Variants in SEM1 observed in about 807,000 individuals in gnomAD.
The protein encoded by SEM1 is SEM1 26S proteasome subunit.
Under a neutral mutation model 12.7 loss-of-function variants are expected in SEM1, and 3 were observed. That is an observed-to-expected ratio of 0.24 (90% CI 0.11 to 0.61). The LOEUF (loss-of-function observed/expected upper bound fraction) is 0.61, where lower values mean the gene tolerates loss of function less well. Among genes scored for constraint, SEM1 ranks in the 20% least tolerant of loss-of-function variants. The pLI, the probability that SEM1 is intolerant of heterozygous loss-of-function variation, is 0.88. For synonymous variants in SEM1, 30 were observed against 27.8 expected, an observed-to-expected ratio of 1.08 and a Z score of -0.25; for missense variants, 59 against 81.3, an observed-to-expected ratio of 0.73 and a Z score of 1.06.
chr7:96,584,200 A>G (rs1183889403), intron 2 of SEM1, among the ~76,000 whole-genome samples: 1 of 151,932 alleles, frequency 6.6e-6, no homozygotes, highest in African/African-American at 2.4e-5. Context: ...TTGTCTGTAA[A>G]GTATTTTATT....
intron 2 of SEM1, among the ~76,000 whole-genome samples, chr7:96,517,773 A>G (rs188940339): frequency 6.6e-6 from 1 of 152,212 alleles, no homozygotes; most frequent in African/African-American, 2.4e-5. Flanking sequence ...TATTCTCCCA[A>G]TATGTTATAT....
At chr7:96,585,168 T>A (rs1242066680) in intron 2 of SEM1, among the ~76,000 whole-genome samples, 1 of 152,214 alleles carries the variant, frequency 6.6e-6, no homozygotes, top group African/African-American at 2.4e-5. Context: ...CCTTTCTGTT[T>A]GTTAGTTTTC....
At chr7:96,630,537 C>T (rs1808216944) in intron 2 of SEM1, among the ~76,000 whole-genome samples, 2 of 152,158 alleles carry the variant, frequency 1.3e-5, no homozygotes, top group Non-Finnish European at 2.9e-5. Flanking sequence ...AACAGGCTCC[C>T]CTCTGGCCCA....
intron 2 of SEM1, among the ~76,000 whole-genome samples, chr7:96,517,173 A>G (rs149300137): frequency 6.6e-6 from 1 of 152,260 alleles, no homozygotes; most frequent in East Asian, 1.9e-4. Flanking sequence ...CATTTGTCCT[A>G]ATGTGTAGAA....
At chr7:96,522,788 G>A (rs879800055) in intron 2 of SEM1, among the ~76,000 whole-genome samples, 1 of 150,596 alleles carries the variant, frequency 6.6e-6, no homozygotes, top group African/African-American at 2.5e-5. Flanking sequence ...CTACTCCAGG[G>A]GCTGAGGTGG....
At chr7:96,656,290 C>T (rs935260368) in intron 2 of SEM1, among the ~76,000 whole-genome samples, 2 of 152,190 alleles carry the variant, frequency 1.3e-5, no homozygotes, top group African/African-American at 4.8e-5. Flanking sequence ...AGTCCTCATG[C>T]CTACTGCCTG....
At chr7:96,628,816 G>A (rs1307335869) in intron 2 of SEM1, among the ~76,000 whole-genome samples, 1 of 152,198 alleles carries the variant, frequency 6.6e-6, no homozygotes, top group Non-Finnish European at 1.5e-5. Flanking sequence ...AGCATTTGTA[G>A]TAGGATAGGT....
At chr7:96,512,013 G>A (rs1312139672) in intron 2 of SEM1, among the ~76,000 whole-genome samples, 1 of 152,106 alleles carries the variant, frequency 6.6e-6, no homozygotes, top group Non-Finnish European at 1.5e-5. Context: ...TGCTGCTGCT[G>A]TTCCTGGGAG....
exon 4 of SEM1, chr7:96,482,535 A>T (rs1802583533): frequency 6.6e-6 from 1 of 152,156 alleles, no homozygotes; most frequent in Non-Finnish European, 1.5e-5. Context: ...CTTTACATAC[A>T]GTCTTGTATC....
At chr7:96,580,361 G>A (rs1806353469) in intron 2 of SEM1, among the ~76,000 whole-genome samples, 1 of 149,530 alleles carries the variant, frequency 6.7e-6, no homozygotes, top group East Asian at 2.0e-4. Flanking sequence ...TCTTAATCCA[G>A]TCTATCATTG....
intron 2 of SEM1, among the ~76,000 whole-genome samples, chr7:96,596,926 T>C (rs1292505490): frequency 6.6e-6 from 1 of 152,134 alleles, no homozygotes; most frequent in Admixed American, 6.5e-5. Flanking sequence ...ATTCCCCAGA[T>C]ATCAGAGGCA....
rs1400412510 is a variant in SEM1, at chr7:96,595,737, G to C, written c.171-89039C>G. Among the ~76,000 whole-genome samples, 5 of 151,940 alleles carry C rather than the reference G, an allele frequency of 3.3e-5. No homozygotes were observed. In the South Asian group the frequency reaches 1.0e-3, roughly 32 times the overall value. Reference sequence around the variant, plus strand: ...TTTCTTATTCCAAATATTCATTTCTGTGCTTAATTTTATATTCATAAGTGT... The same window carrying C: ...TTTCTTATTCCAAATATTCATTTCTCTGCTTAATTTTATATTCATAAGTGT... On this transcript the variant is annotated intron_variant and NMD_transcript_variant, in intron 2 of 3. Transcript: ENST00000466986.
At chr7:96,497,568 C>T (rs1288040955), upstream of SEM1, among the ~76,000 whole-genome samples, 3 of 152,270 alleles carry the variant, frequency 2.0e-5, no homozygotes, top group Admixed American at 6.6e-5. Context: ...CTGAGGACTG[C>T]TTTATAACTA....
At chr7:96,529,214 T>C (rs1466361068) in intron 2 of SEM1, among the ~76,000 whole-genome samples, 1 of 152,098 alleles carries the variant, frequency 6.6e-6, no homozygotes, top group Non-Finnish European at 1.5e-5. Flanking sequence ...CCAATCTTTT[T>C]AGAAGACAAA....
chr7:96,560,006 A>G (rs1473534683), intron 2 of SEM1, among the ~76,000 whole-genome samples: 2 of 152,210 alleles, frequency 1.3e-5, no homozygotes, highest in African/African-American at 2.4e-5. Context: ...TTTTAGATGT[A>G]AAACCTCCAT....
At chr7:96,544,341 C>G (rs190024856) in intron 2 of SEM1, among the ~76,000 whole-genome samples, 1 of 152,094 alleles carries the variant, frequency 6.6e-6, no homozygotes, top group East Asian at 1.9e-4. Flanking sequence ...GTTTCTACCT[C>G]TGTAAAATTT....
chr7:96,525,636 G>A (rs1295890078), intron 2 of SEM1, among the ~76,000 whole-genome samples: 4 of 151,986 alleles, frequency 2.6e-5, no homozygotes, highest in Non-Finnish European at 4.4e-5. Context: ...AATTAAAAAG[G>A]TCTCCAAGTG....
downstream of SEM1, among the ~76,000 whole-genome samples, chr7:96,685,596 TG>T (rs971129483): frequency 1.3e-5 from 2 of 152,066 alleles, no homozygotes; most frequent in African/African-American, 2.4e-5. Flanking sequence ...TGAGTGACTA[TG>T]GGCAAATTAT....
intron 2 of SEM1, among the ~76,000 whole-genome samples, chr7:96,580,450 A>G (rs565968215): frequency 4.6e-5 from 7 of 151,480 alleles, no homozygotes; most frequent in Admixed American, 2.7e-4. Flanking sequence ...GTGTCTTTAT[A>G]GCAGCATGAT....
Sources: gnomAD v4.1 joint callset for allele counts (sites outside exome capture counted in the v4.1 genomes callset) on GRCh38, gnomAD v4.1.1 for gene constraint, MANE v1.5 for transcripts, NCBI Gene and HGNC (gene_info 2026-07-23, HGNC 2026-07-21) for gene names.